Variants in EZH2 observed in about 807,000 individuals in gnomAD.
EZH2 encodes the protein enhancer of zeste 2 polycomb repressive complex 2 subunit.
EZH2 carries 18 observed loss-of-function variants against 98.4 expected under a neutral mutation model. That is an observed-to-expected ratio of 0.18 (90% confidence interval 0.13 to 0.27). The LOEUF (loss-of-function observed/expected upper bound fraction) is 0.27, where lower values mean the gene tolerates loss of function less well. EZH2 is among the 10% of genes least tolerant of loss of function. EZH2 has a pLI of 1.00. For missense variants in EZH2, 470 were observed against 935.1 expected (o/e 0.50, Z 6.49); for synonymous variants, 338 against 312.3 (o/e 1.08, Z -0.87).
intron 1 of EZH2, among the ~76,000 whole-genome samples, chr7:148,849,780 G>A (rs570634207): frequency 8.5e-5 from 13 of 152,280 alleles, no homozygotes; most frequent in African/African-American, 3.1e-4. Context: ...GTTAACAGAT[G>A]AACTCAACTA....
rs754291699 is a variant in EZH2 at position 148,814,072 on chromosome 7, G to C, written c.1738C>G (p.Leu580Val). Residue 580 changes from leucine to valine, a missense_variant, in exon 15 of 20, where the codon CTG (leucine) becomes GTG (valine). By Grantham distance (32) the Leu-to-Val change is conservative (BLOSUM62 1). Coordinates refer to ENST00000320356, the MANE Select transcript of EZH2 (RefSeq NM_004456.5). Reference protein sequence around the residue: ...QCNTKQCPCYLAVRECDPDLC... With the variant: ...QCNTKQCPCYVAVRECDPDLC... ...TCAGGGTCACACTCTCGGACAGCCA[G>C]GTAGCACGGGCACTGCTTGGTGTTG... 6.2e-7 allele frequency: 1 copy of C among 1,614,214 alleles called. No homozygotes were observed.
At chr7:148,862,961 T>G (rs1190390488) in intron 1 of EZH2, among the ~76,000 whole-genome samples, 2 of 151,764 alleles carry the variant, frequency 1.3e-5, no homozygotes, top group African/African-American at 2.4e-5. Flanking sequence ...TCAGTATTAT[T>G]ATGAAAATAG....
At chr7:148,810,689 C>A (rs1802786669) in intron 16 of EZH2, among the ~76,000 whole-genome samples, 1 of 152,122 alleles carries the variant, frequency 6.6e-6, no homozygotes, top group African/African-American at 2.4e-5. Flanking sequence ...TTTAAAAAAG[C>A]CGGCTGCAGT....
chr7:148,882,513 T>C (rs775598374), intron 1 of EZH2, among the ~76,000 whole-genome samples: 8 of 152,214 alleles, frequency 5.3e-5, no homozygotes, highest in Non-Finnish European at 4.4e-5. Flanking sequence ...AATTAAAATA[T>C]ATCTTAAATA....
chr7:148,820,547 G>GAAGGAAAAAAAAAAAA (rs1805737929), intron 8 of EZH2, among the ~76,000 whole-genome samples: 1 of 144,350 alleles, frequency 6.9e-6, no homozygotes, highest in South Asian at 2.2e-4. Context: ...CTGAGAAAAG[G>GAAGGAAAAAAAAAAAA]AAGGAAAAAA....
chr7:148,807,818 A>T (rs898312592), intron 19 of EZH2, 112 bp from the exon 20 acceptor site: 21 of 233,698 alleles, frequency 9.0e-5, no homozygotes, highest in Admixed American at 1.9e-4. Flanking sequence ...TGTCTTTAAA[A>T]AAAAAAAAAA....
In EZH2 at chr7:148,844,460, T is replaced by C. The variant is rs573243166; in HGVS notation, c.246+2010A>G. On this transcript the variant is annotated intron_variant, in intron 3 of 19. Coordinates refer to ENST00000320356, the MANE Select transcript of EZH2 (RefSeq NM_004456.5). The stretch of plus-strand genomic sequence containing the variant: ...ATGGATCATCTGAAGCAGGATCAGC[T>C]ACCAACACCAGCAACAAAAAAAATG... Among the ~76,000 whole-genome samples the C allele has an allele frequency of 2.6e-5, 4 of 152,292 alleles. No individual in the cohort carries two copies. In the South Asian group the frequency reaches 8.3e-4, roughly 32 times the overall value.
At chr7:148,861,337 C>T (rs772101153) in intron 1 of EZH2, among the ~76,000 whole-genome samples, 3 of 151,758 alleles carry the variant, frequency 2.0e-5, no homozygotes, top group Non-Finnish European at 4.4e-5. Flanking sequence ...AGCGATTCTC[C>T]TGTCTCAGCC....
chr7:148,883,537 G>A (rs1821327776), intron 1 of EZH2: 2 of 150,408 alleles, frequency 1.3e-5, no homozygotes, highest in South Asian at 2.1e-4. Flanking sequence ...CCAGCCCGGG[G>A]TCGGCGCGCC....
intron 1 of EZH2, 100 bp downstream of exon 1, chr7:148,884,064 G>T: frequency 6.6e-6 from 1 of 152,088 alleles, no homozygotes; most frequent in South Asian, 1.9e-4. Context: ...CGATACCCGG[G>T]ACCGGCACAG....
At chr7:148,847,038 G>A (rs1347211486) in intron 2 of EZH2, 144 bp downstream of exon 2, 1 of 947,464 alleles carries the variant, frequency 1.1e-6, no homozygotes, top group Non-Finnish European at 1.5e-6. Flanking sequence ...GACAGATCAA[G>A]AACCTAAGCT....
At chr7:148,841,436 G>C (rs1585115279) in intron 3 of EZH2, among the ~76,000 whole-genome samples, 1 of 152,130 alleles carries the variant, frequency 6.6e-6, no homozygotes, top group South Asian at 2.1e-4. Context: ...GCTACAGAAA[G>C]CAACTCAGAG....
At chr7:148,883,652 A>C (rs1178494365) in intron 1 of EZH2, 1 of 148,364 alleles carries the variant, frequency 6.7e-6, no homozygotes, top group Non-Finnish European at 1.5e-5. Context: ...CCCGGGTGTC[A>C]TGCCCCTTCC....
At chr7:148,812,728 T>C (rs1168376803) in intron 15 of EZH2, among the ~76,000 whole-genome samples, 2 of 152,228 alleles carry the variant, frequency 1.3e-5, no homozygotes, top group Admixed American at 1.3e-4. Context: ...GATTTTTAGG[T>C]CTGAGCAGGT....
chr7:148,844,089 C>T (rs1813310009), intron 3 of EZH2, among the ~76,000 whole-genome samples: 1 of 152,206 alleles, frequency 6.6e-6, no homozygotes, highest in Non-Finnish European at 1.5e-5. Flanking sequence ...TGAATCAATA[C>T]TGCAGTCTGA....
At chr7:148,835,852 T>C (rs1810766280) in intron 3 of EZH2, among the ~76,000 whole-genome samples, 1 of 152,200 alleles carries the variant, frequency 6.6e-6, no homozygotes, top group Non-Finnish European at 1.5e-5. Flanking sequence ...AGCATTGGCT[T>C]TGCTTCATCT....
At chr7:148,831,238 A>G (rs941672005) in intron 4 of EZH2, among the ~76,000 whole-genome samples, 1 of 152,246 alleles carries the variant, frequency 6.6e-6, no homozygotes, top group Non-Finnish European at 1.5e-5. Context: ...AAAAAGTGGG[A>G]TAAAAGGAGC....
chr7:148,809,634 T>A (rs886269670), intron 17 of EZH2, among the ~76,000 whole-genome samples: 4 of 145,048 alleles, frequency 2.8e-5, no homozygotes, highest in Non-Finnish European at 6.0e-5. Flanking sequence ...TTATCAACTA[T>A]AAACATACAT....
intron 16 of EZH2, 28 bp from the exon 17 acceptor site, chr7:148,810,442 C>T (rs73469687): frequency 9.1e-6 from 14 of 1,530,358 alleles, no homozygotes; most frequent in Non-Finnish European, 1.2e-5. Flanking sequence ...GGAGAAAATT[C>T]TTTTGGATAA....
Sources: gnomAD v4.1 joint callset for allele counts (sites outside exome capture counted in the v4.1 genomes callset) on GRCh38, gnomAD v4.1.1 for gene constraint, MANE v1.5 for transcripts, NCBI Gene and HGNC (gene_info 2026-07-23, HGNC 2026-07-21) for gene names.